SMAD9: variants seen among roughly 807,000 people sequenced by gnomAD.
SMAD9 encodes MAD homolog 9.
A neutral mutation model predicts 46.1 loss-of-function variants in SMAD9; 36 were observed. The ratio of observed to expected loss-of-function variants is 0.78; its 90% confidence interval spans 0.60 to 1.03. SMAD9 has a LOEUF of 1.03. SMAD9 is among the 50% of genes least tolerant of loss of function. The pLI, the probability that SMAD9 is intolerant of heterozygous loss-of-function variation, is 0.00. For missense variants in SMAD9, 572 were observed against 599.8 expected (o/e 0.95, Z 0.48); for synonymous variants, 245 against 237.1 (o/e 1.03, Z -0.31).
rs746364011 is a variant in SMAD9, at chr13:36,879,500, G to A, written c.190C>T (p.Gln64Ter). Reference protein sequence around the residue: ...ELERALSCPGQPSKCVTIPRS... With the variant: ...ELERALSCPG ...GGAATCGTGACGCATTTGCTGGGCT[G>A]CCCCGGGCAGCTGAGAGCCCTCTCC... The change falls in exon 2 of 7, where the codon CAG (glutamine) becomes TAG (stop). Residue 64 changes from glutamine (Q) to a stop codon, truncating the protein, a stop_gained. Transcript: ENST00000379826. LOFTEE classifies it high-confidence loss of function. 11 of 1,614,064 alleles carry A rather than the reference G, an allele frequency of 6.8e-6. No homozygotes were observed. Among genetic ancestry groups the A allele is most frequent in the Non-Finnish European group, 2.5e-6 (3 of 1,180,022 alleles).
chr13:36,853,653 C>G lies in SMAD9; in HGVS notation c.1026G>C (p.Gly342=), dbSNP rs1159537810. ...IGKGVHLYYV[G]GEVYAECVSD... ...TCACGCACTCGGCATACACCTCTCC[C>G]CCGACGTAGTACAAGTGCACACCTG... Residue 342 remains glycine (G), a synonymous_variant, in exon 6 of 7, where the codon GGG becomes GGC. Transcript: ENST00000379826. 1 of 1,614,144 alleles carries G rather than the reference C, an allele frequency of 6.2e-7. No homozygotes were observed. Among genetic ancestry groups the G allele is most frequent in the Non-Finnish European group, 8.5e-7 (1 of 1,180,036 alleles).
At chr13:36,882,656 C>A (rs1158367295) in intron 1 of SMAD9, among the ~76,000 whole-genome samples, 1 of 152,160 alleles carries the variant, frequency 6.6e-6, no homozygotes, top group East Asian at 1.9e-4. Flanking sequence ...GTGATAAACA[C>A]CCAATTCATA....
intron 4 of SMAD9, 82 bp from the exon 5 acceptor site, chr13:36,865,840 T>A: frequency 1.7e-6 from 2 of 1,168,046 alleles, no homozygotes; most frequent in South Asian, 1.3e-5. Flanking sequence ...GAAACTTAGT[T>A]AATGCTTTTC....
chr13:36,913,841 T>C (rs952227666), intron 1 of SMAD9, among the ~76,000 whole-genome samples: 2 of 152,228 alleles, frequency 1.3e-5, no homozygotes, highest in African/African-American at 4.8e-5. Flanking sequence ...CTAAAATCTT[T>C]TTAGCTTAAC....
intron 1 of SMAD9, among the ~76,000 whole-genome samples, chr13:36,904,179 A>G (rs2058600259): frequency 6.6e-6 from 1 of 152,316 alleles, no homozygotes; most frequent in South Asian, 2.1e-4. Flanking sequence ...TGGTTAATAA[A>G]GAAATTGTTA....
rs375838150 is a variant in SMAD9 at position 36,865,487 on chromosome 13, C to T, written c.1003+50G>A. On this transcript the variant is annotated intron_variant, in intron 5 of 6. Coordinates refer to ENST00000379826, the MANE Select transcript of SMAD9 (RefSeq NM_001127217.3). ...GTCACGTGCACTTCTACACACATGACCATCTACATTTCGGCTAGATGACTA... is the reference window on the plus strand; with the variant it reads ...GTCACGTGCACTTCTACACACATGATCATCTACATTTCGGCTAGATGACTA... 2,364 of 1,466,438 alleles carry T rather than the reference C, an allele frequency of 1.6e-3. 14 individuals are homozygous for T. The highest frequency in any genetic ancestry group is 1.4e-3 in the Non-Finnish European group (1,478 of 1,048,000). The allele number at this position is 1,466,438 out of a possible 1,614,324, so 90.8% of individuals were successfully genotyped here. A position where few individuals can be genotyped will look rare whatever the true frequency, so the allele number is the denominator to read the frequency against.
rs1481331921 is a variant in SMAD9 at position 36,853,398 on chromosome 13, G to A, written c.1260+21C>T. 16 of 1,612,478 alleles carry A rather than the reference G, an allele frequency of 9.9e-6. No homozygotes were observed. The African/African-American group carries it at 1.2e-4, about 12-fold the overall frequency. On this transcript the variant is annotated intron_variant, in intron 6 of 6. Transcript: ENST00000379826. ...TGTTTTTCACTGAACATTTTATAACGTGATAGCAAGCACTCCTTACCTTAA... is the reference window on the plus strand; with the variant it reads ...TGTTTTTCACTGAACATTTTATAACATGATAGCAAGCACTCCTTACCTTAA...
chr13:36,889,548 T>G (rs556022872), intron 1 of SMAD9, among the ~76,000 whole-genome samples: 1 of 152,258 alleles, frequency 6.6e-6, no homozygotes, highest in East Asian at 1.9e-4. Context: ...TTAATATAGA[T>G]CTCCCTCTAA....
chr13:36,903,664 T>C (rs144968839), intron 1 of SMAD9, among the ~76,000 whole-genome samples: 32 of 152,326 alleles, frequency 2.1e-4, no homozygotes, highest in African/African-American at 7.2e-4. Flanking sequence ...TCTCCAAAAC[T>C]TTTAGTGTAT....
Position 36,905,424 on chromosome 13 carries a change from T to C in SMAD9, c.-187+14692A>G, listed in dbSNP as rs191932703. ...AGATTTTCAGTAATACTAATCAATA[T>C]ATCAATATGAAAAGGCAGAACTGGA... is the stretch of plus-strand genomic sequence containing the variant. On this transcript the variant is annotated intron_variant, in intron 1 of 6. Coordinates refer to ENST00000379826, the MANE Select transcript of SMAD9 (RefSeq NM_001127217.3). Among the ~76,000 whole-genome samples the C allele has an allele frequency of 5.1e-4, 78 of 152,176 alleles. 1 individual carries two copies. The highest frequency in any genetic ancestry group is 1.7e-3 in the African/African-American group (70 of 41,530).
chr13:36,911,531 T>C (rs919054962), intron 1 of SMAD9, among the ~76,000 whole-genome samples: 2 of 151,380 alleles, frequency 1.3e-5, no homozygotes, highest in African/African-American at 2.4e-5. Flanking sequence ...GTTTAATATA[T>C]ATATTTTTAA....
At chr13:36,903,898 G>A (rs1232074686) in intron 1 of SMAD9, among the ~76,000 whole-genome samples, 1 of 151,976 alleles carries the variant, frequency 6.6e-6, no homozygotes, top group African/African-American at 2.4e-5. Flanking sequence ...GAATTACAGG[G>A]CACACGTGAT....
At chr13:36,862,543 C>T (rs1469091813) in intron 5 of SMAD9, among the ~76,000 whole-genome samples, 1 of 152,214 alleles carries the variant, frequency 6.6e-6, no homozygotes, top group Non-Finnish European at 1.5e-5. Flanking sequence ...AGGAAATCTC[C>T]ACCCCTTTCC....
At chr13:36,884,599 A>G (rs374731435) in intron 1 of SMAD9, among the ~76,000 whole-genome samples, 16 of 152,338 alleles carry the variant, frequency 1.1e-4, no homozygotes, top group African/African-American at 3.6e-4. Context: ...TTAAGTGTAC[A>G]TGATTCCACA....
intron 1 of SMAD9, 82 bp from the exon 2 acceptor site, chr13:36,879,957 T>A: frequency 2.0e-6 from 1 of 498,388 alleles, no homozygotes; most frequent in South Asian, 2.2e-5. Flanking sequence ...AGAGGCAATC[T>A]ACACCTACAG....
chr13:36,862,618 A>G (rs2058193280), intron 5 of SMAD9, among the ~76,000 whole-genome samples: 1 of 152,186 alleles, frequency 6.6e-6, no homozygotes, highest in Non-Finnish European at 1.5e-5. Flanking sequence ...AAATAACTAC[A>G]TTATCAGTCG....
At chr13:36,874,481 G>A (rs73175013) in intron 2 of SMAD9, among the ~76,000 whole-genome samples, 9,458 of 152,078 alleles carry the variant, frequency 0.062, 381 homozygotes, top group East Asian at 0.14. Flanking sequence ...GGAAACCACT[G>A]GAATAACCAA....
intron 1 of SMAD9, among the ~76,000 whole-genome samples, chr13:36,889,603 G>A (rs553510267): frequency 6.6e-6 from 1 of 152,128 alleles, no homozygotes; most frequent in Non-Finnish European, 1.5e-5. Flanking sequence ...GAAATTTTAT[G>A]TATACACAAA....
rs190507802 is a variant in SMAD9 at position 36,856,508 on chromosome 13, C to A, written c.1004-2833G>T. 1.4e-4 allele frequency among the ~76,000 whole-genome samples: 21 copies of A among 152,276 alleles called. No homozygotes were observed. The East Asian group carries it at 4.1e-3, about 29-fold the overall frequency. On this transcript the variant is annotated intron_variant, in intron 5 of 6. Coordinates refer to ENST00000379826, the MANE Select transcript of SMAD9 (RefSeq NM_001127217.3). ...GAGCAGAGCCAATGGGACCAGCATG[C>A]GGAGCCCGCCCAGAAACACCAGAAA... is the stretch of plus-strand genomic sequence containing the variant.
Sources: allele counts gnomAD v4.1 joint callset (sites outside exome capture counted in the v4.1 genomes callset), GRCh38; gene constraint gnomAD v4.1.1; transcripts MANE v1.5; gene names NCBI Gene and HGNC (gene_info 2026-07-23, HGNC 2026-07-21).